TRIM37: variants seen among roughly 807,000 people sequenced by gnomAD.
TRIM37 encodes tripartite motif containing 37.
TRIM37 carries 80 observed loss-of-function variants against 129.8 expected under a neutral mutation model. That is an observed-to-expected ratio of 0.62 (90% CI 0.51 to 0.74). The LOEUF is 0.74. Among genes scored for constraint, TRIM37 ranks in the 30% least tolerant of loss-of-function variants. TRIM37 has a pLI of 0.00. For missense variants in TRIM37, 1,054 were observed against 1,176.5 expected, an observed-to-expected ratio of 0.90 and a Z score of 1.52; for synonymous variants, 389 against 387.1, an observed-to-expected ratio of 1.00 and a Z score of -0.06.
intron 2 of TRIM37, among the ~76,000 whole-genome samples, chr17:59,103,655 T>C (rs923142218): frequency 8.7e-5 from 13 of 149,968 alleles, no homozygotes; most frequent in African/African-American, 3.0e-4. Flanking sequence ...TTCAAGTTTT[T>C]TTTTTTTTTT....
intron 17 of TRIM37, among the ~76,000 whole-genome samples, chr17:59,032,297 G>A (rs1387194484): frequency 2.6e-5 from 4 of 151,086 alleles, no homozygotes; most frequent in Non-Finnish European, 5.9e-5. Flanking sequence ...AGGCCGAGGC[G>A]GGTGGATCAT....
intron 5 of TRIM37, among the ~76,000 whole-genome samples, chr17:59,081,937 CAAAAAA>C (rs1157296161): frequency 4.1e-5 from 2 of 48,924 alleles, no homozygotes; most frequent in African/African-American, 1.7e-4. Context: ...TAATAAAAAC[CAAAAAA>C]AAAAAAAAAT....
chr17:58,970,869 G>A, the TRIM37 span, among the ~76,000 whole-genome samples: 1 of 151,956 alleles, frequency 6.6e-6, no homozygotes, highest in African/African-American at 2.4e-5. Flanking sequence ...GCCCCTGAGA[G>A]GTGACCCGTA....
downstream of TRIM37, chr17:58,980,730 A>G (rs756935591): frequency 2.5e-6 from 4 of 1,614,104 alleles, no homozygotes; most frequent in Non-Finnish European, 3.4e-6. The surrounding 1 kb of genome is among the most constrained non-coding windows in gnomAD (Gnocchi z 4.7). Context: ...GAAAATGAAC[A>G]GTTCAAATCC....
chr17:59,005,143 T>G (rs888176406), intron 22 of TRIM37, among the ~76,000 whole-genome samples: 2 of 152,226 alleles, frequency 1.3e-5, no homozygotes, highest in Non-Finnish European at 1.5e-5. Flanking sequence ...TGACCTCTTA[T>G]TAGTAGTGTT....
At chr17:59,034,429 T>G (rs915845529) in intron 17 of TRIM37, among the ~76,000 whole-genome samples, 5 of 151,998 alleles carry the variant, frequency 3.3e-5, no homozygotes, top group Admixed American at 3.3e-4. Context: ...TTTTTTGTTT[T>G]TTTGAGACGG....
In TRIM37 at chr17:59,106,683, A is replaced by G. The variant is rs2147767468; in HGVS notation, c.-222T>C. 3.3e-6 allele frequency: 2 copies of G among 608,814 alleles called. No homozygotes were observed. Among genetic ancestry groups the G allele is most frequent in the South Asian group, 3.9e-5 (2 of 51,710 alleles). 37.7% of individuals were successfully genotyped at this position (608,814 alleles called of 1,614,324 possible). A position where few individuals can be genotyped will look rare whatever the true frequency, so the allele number is the denominator to read the frequency against. Reference sequence around the variant, plus strand: ...CGGCGCGCCCGCCCCGAGGCGCAGAAGTAGGGCGAACGGTGGCCGCAGCTC... The same window carrying G: ...CGGCGCGCCCGCCCCGAGGCGCAGAGGTAGGGCGAACGGTGGCCGCAGCTC... On this transcript the variant is annotated 5_prime_UTR_variant, in exon 1 of 24. Transcript: ENST00000262294.
chr17:59,068,042 G>C (rs564033079), intron 9 of TRIM37, among the ~76,000 whole-genome samples: 1 of 152,274 alleles, frequency 6.6e-6, no homozygotes, highest in Admixed American at 6.5e-5. Context: ...TTAATGTCAC[G>C]AATGCTGATC....
intron 7 of TRIM37, among the ~76,000 whole-genome samples, chr17:59,076,782 ATTTAT>A (rs759540841): frequency 2.4e-4 from 37 of 152,068 alleles, no homozygotes; most frequent in Non-Finnish European, 3.7e-4. Flanking sequence ...TAGAACTTTT[ATTTAT>A]TTTATTTATT....
At chr17:59,048,739 G>A (rs144568226) in intron 15 of TRIM37, among the ~76,000 whole-genome samples, 1 of 152,230 alleles carries the variant, frequency 6.6e-6, no homozygotes, top group African/African-American at 2.4e-5. Context: ...TGGGATTACA[G>A]GCAAGCACCA....
chr17:59,032,531 C>CAAAAAAAAA (rs35442859), intron 17 of TRIM37, among the ~76,000 whole-genome samples: 18 of 84,698 alleles, frequency 2.1e-4, no homozygotes, highest in South Asian at 4.4e-4. Context: ...GACTCCGTCT[C>CAAAAAAAAA]AAAAAAAAAA....
In TRIM37 at chr17:59,051,194, A is replaced by G; in HGVS notation, c.1314+20T>C. On this transcript the variant is annotated intron_variant, in intron 14 of 23. Coordinates refer to ENST00000262294, the MANE Select transcript of TRIM37 (RefSeq NM_015294.6). ...AAAGGACAATAGGAAACACCAAAAC[A>G]GAAATAGATATTTTCTTACCTCTTT... is the stretch of plus-strand genomic sequence containing the variant. 1 of 1,499,874 alleles carries G rather than the reference A, an allele frequency of 6.7e-7. No individual in the cohort carries two copies. 92.9% of individuals were successfully genotyped at this position (1,499,874 alleles called of 1,614,324 possible). A position where few individuals can be genotyped will look rare whatever the true frequency, so the allele number is the denominator to read the frequency against.
intron 2 of TRIM37, 69 bp downstream of exon 2, chr17:59,104,224 A>G: frequency 6.9e-7 from 1 of 1,446,786 alleles, no homozygotes; most frequent in South Asian, 1.2e-5. Context: ...TAAAAAGATA[A>G]GGGAAATGGT....
At chr17:58,981,057 C>T, downstream of TRIM37, 1 of 1,477,042 alleles carries the variant, frequency 6.8e-7, no homozygotes, top group Non-Finnish European at 9.2e-7. Flanking sequence ...GGTTAGCTAG[C>T]TCTCCCCCAA....
chr17:59,079,704 C>G (rs371848239), intron 7 of TRIM37, 50 bp downstream of exon 7: 2 of 1,611,040 alleles, frequency 1.2e-6, no homozygotes, highest in African/African-American at 2.7e-5. Flanking sequence ...GACTGAATCT[C>G]AAAGAAGCTG....
intron 24 of TRIM37, chr17:58,985,094 A>G (rs753603152): frequency 4.6e-5 from 7 of 152,662 alleles, no homozygotes; most frequent in Non-Finnish European, 7.3e-5. Flanking sequence ...GTGATCCTTC[A>G]TATTTTATTA....
chr17:58,992,357 G>A (rs922352196), intron 24 of TRIM37, among the ~76,000 whole-genome samples: 1 of 146,462 alleles, frequency 6.8e-6, no homozygotes, highest in Non-Finnish European at 1.5e-5. Context: ...ACAGAGTACT[G>A]TCAACCAGGG....
At chr17:58,978,540 G>A (rs991915603), downstream of TRIM37, among the ~76,000 whole-genome samples, 12 of 151,980 alleles carry the variant, frequency 7.9e-5, no homozygotes, top group Non-Finnish European at 1.3e-4. Flanking sequence ...GTGAAACCCC[G>A]TCTCTAATAA....
At chr17:59,010,913 G>A (rs1301727813) in intron 22 of TRIM37, among the ~76,000 whole-genome samples, 8 of 151,916 alleles carry the variant, frequency 5.3e-5, no homozygotes, top group Admixed American at 6.6e-5. Context: ...GCTCACGCCT[G>A]TAATCCTAGC....
Sources: gnomAD v4.1 joint callset for allele counts (sites outside exome capture counted in the v4.1 genomes callset) on GRCh38, gnomAD v4.1.1 for gene constraint, Gnocchi (gnomAD v3.1) non-coding constraint, MANE v1.5 for transcripts, NCBI Gene and HGNC (gene_info 2026-07-23, HGNC 2026-07-21) for gene names.